The following CBFA2T2 variants were observed in gnomAD, a reference collection of about 807,000 sequenced individuals.
CBFA2T2 encodes the protein CBFA2/RUNX1 partner transcriptional co-repressor 2, also known as protein CBFA2T2.
Under a neutral mutation model 62.2 loss-of-function variants are expected in CBFA2T2, and 11 were observed. The ratio of observed to expected loss-of-function variants is 0.18; its 90% confidence interval spans 0.11 to 0.29. The LOEUF is 0.29. Among genes scored for constraint, CBFA2T2 ranks in the 10% least tolerant of loss-of-function variants. The pLI is 1.00. For synonymous variants in CBFA2T2, 295 were observed against 287.5 expected (o/e 1.03, Z -0.27); for missense variants, 592 against 774.1 (o/e 0.76, Z 2.79).
Position 33,645,841 on chromosome 20 carries a change from A to T in CBFA2T2, c.*1195A>T, listed in dbSNP as rs1369728175. The T allele has an allele frequency of 6.6e-6, 1 of 152,140 alleles. No individual in the cohort carries two copies. The highest frequency in any genetic ancestry group is 1.5e-5 in the Non-Finnish European group (1 of 68,044). The allele number at this position is 152,140 out of a possible 1,614,324, so 9.4% of individuals were successfully genotyped here. On this transcript the variant is annotated 3_prime_UTR_variant, in exon 11 of 11. Transcript: ENST00000342704. ...TGTTATCTGATAGCGTCCCTCCTTG[A>T]GCTCATCAGAAAGGTTTTATGAAAT... is the stretch of plus-strand genomic sequence containing the variant.
intron 1 of CBFA2T2, among the ~76,000 whole-genome samples, chr20:33,495,114 A>G (rs777996199): frequency 3.3e-5 from 5 of 151,790 alleles, no homozygotes; most frequent in Admixed American, 2.6e-4. Context: ...GTAAAATGTA[A>G]TGGCTGGGTA....
chr20:33,640,049 A>G (rs1315456226), intron 9 of CBFA2T2, among the ~76,000 whole-genome samples: 1 of 152,186 alleles, frequency 6.6e-6, no homozygotes, highest in Admixed American at 6.5e-5. Flanking sequence ...GTCTCTTACG[A>G]TGACATACAC....
At chr20:33,511,426 G>T (rs1292984349) in intron 1 of CBFA2T2, among the ~76,000 whole-genome samples, 10 of 152,146 alleles carry the variant, frequency 6.6e-5, no homozygotes, top group Non-Finnish European at 1.3e-4. Flanking sequence ...TGTCGGGTTT[G>T]TCAAAGATCA....
chr20:33,637,753 C>T (rs563261912), intron 9 of CBFA2T2, among the ~76,000 whole-genome samples: 2 of 151,334 alleles, frequency 1.3e-5, no homozygotes, highest in East Asian at 1.9e-4. Context: ...CTGCAACTTC[C>T]GCCTCCCCGG....
intron 1 of CBFA2T2, among the ~76,000 whole-genome samples, chr20:33,590,263 A>G (rs900291740): frequency 2.6e-5 from 4 of 152,042 alleles, no homozygotes; most frequent in African/African-American, 9.7e-5. Flanking sequence ...AAAAAAAAAA[A>G]ATCTGCAATC....
chr20:33,536,308 C>A (rs1305969123), intron 1 of CBFA2T2, among the ~76,000 whole-genome samples: 2 of 143,608 alleles, frequency 1.4e-5, no homozygotes, highest in Non-Finnish European at 3.1e-5. Context: ...GCTGACCCCC[C>A]CCACCTCCCT....
At position 33,640,430 on chromosome 20, in the gene CBFA2T2, G is replaced by A. The variant is rs1210370727; in HGVS notation, c.1387G>A (p.Ala463Thr). 6.2e-7 allele frequency: 1 copy of A among 1,614,272 alleles called. No individual in the cohort carries two copies. The highest frequency in any genetic ancestry group is 1.1e-5 in the South Asian group (1 of 91,090). The part of the protein sequence containing the change: ...EAEQKAFEVI[A>T]TERARMEQTI... ...AGAGCAGAAAGCCTTTGAAGTGATT[G>A]CAACAGAGAGAGCACGAATGGAGCA... is the stretch of plus-strand genomic sequence containing the variant. The change falls in exon 10 of 11, where the codon GCA (alanine) becomes ACA (threonine). Residue 463 changes from alanine to threonine, a missense_variant. Coordinates refer to ENST00000342704, the MANE Select transcript of CBFA2T2 (RefSeq NM_001032999.3).
intron 1 of CBFA2T2, among the ~76,000 whole-genome samples, chr20:33,507,443 C>T (rs929256573): frequency 1.3e-5 from 2 of 152,098 alleles, no homozygotes; most frequent in African/African-American, 4.8e-5. Context: ...CTGTTTTGAG[C>T]CAATCTGTTT....
rs1183371343 is a variant in CBFA2T2 at position 33,600,182 on chromosome 20, GTTTTTTTTTTTT to G, written c.35-6756_35-6745del. ...AAGTTAGAATTATCACTTTTGGAAA[GTTTTTTTTTTTT>G]TTTTTTTTTTTTTTTTTGTGATGGA... On this transcript the variant is annotated intron_variant, in intron 1 of 10. Coordinates refer to ENST00000342704, the MANE Select transcript of CBFA2T2 (RefSeq NM_001032999.3). Among the ~76,000 whole-genome samples, 20 of 62,046 alleles carry G rather than the reference GTTTTTTTTTTTT, an allele frequency of 3.2e-4. 1 individual carries two copies. The highest frequency in any genetic ancestry group is 1.3e-3 in the East Asian group (2 of 1,596). 40.7% of individuals were successfully genotyped at this position (62,046 alleles called of 152,430 possible).
intron 1 of CBFA2T2, among the ~76,000 whole-genome samples, chr20:33,545,010 TAGAAC>T (rs199760817): frequency 3.5e-5 from 4 of 114,018 alleles, no homozygotes; most frequent in Admixed American, 8.6e-5. Flanking sequence ...TAGAATAGAA[TAGAAC>T]AGAACAGAAT....
At chr20:33,547,469 T>A (rs1043913998) in intron 1 of CBFA2T2, among the ~76,000 whole-genome samples, 1 of 152,042 alleles carries the variant, frequency 6.6e-6, no homozygotes, top group African/African-American at 2.4e-5. Flanking sequence ...TTGGGAGGCT[T>A]AGGCAGGTGG....
Position 33,521,909 on chromosome 20 carries a change from T to C in CBFA2T2, c.34+31608T>C, listed in dbSNP as rs6579114. On this transcript the variant is annotated intron_variant, in intron 1 of 10. Coordinates refer to ENST00000342704, the MANE Select transcript of CBFA2T2 (RefSeq NM_001032999.3). ...TTTTGTTTGTTTGTTTAGGTTTTAT[T>C]TTTGTTTTTAGTTACTTGAAGATAT... Among the ~76,000 whole-genome samples, 499 of 152,190 alleles carry C rather than the reference T, an allele frequency of 3.3e-3. 6 individuals are homozygous for C. Among genetic ancestry groups the C allele is most frequent in the African/African-American group, 0.012 (488 of 41,530 alleles).
intron 1 of CBFA2T2, among the ~76,000 whole-genome samples, chr20:33,496,909 C>A (rs1330506353): frequency 6.6e-6 from 1 of 152,110 alleles, no homozygotes; most frequent in Non-Finnish European, 1.5e-5. Flanking sequence ...AATTTATTTT[C>A]CTACTCCCGT....
chr20:33,634,670 CAAAAAA>C (rs758089440), intron 8 of CBFA2T2, among the ~76,000 whole-genome samples: 5,797 of 47,710 alleles, frequency 0.12, 295 homozygotes, highest in Admixed American at 0.28. Context: ...ACCCTATGTC[CAAAAAA>C]AAAAAAAAAA....
chr20:33,535,454 A>T (rs1408353414), intron 1 of CBFA2T2, among the ~76,000 whole-genome samples: 1 of 149,904 alleles, frequency 6.7e-6, no homozygotes, highest in Non-Finnish European at 1.5e-5. Context: ...TTCCTTATTT[A>T]TCTTACAAGC....
Position 33,628,518 on chromosome 20 carries a change from G to C in CBFA2T2, c.1032+83G>C, listed in dbSNP as rs370386249. The C allele has an allele frequency of 1.3e-4, 116 of 921,034 alleles. 2 individuals are homozygous for C. The South Asian group carries it at 1.5e-3, about 12-fold the overall frequency. 57.1% of individuals were successfully genotyped at this position (921,034 alleles called of 1,614,324 possible). ...GAGTCTCGCTCTGTCACCCAGGATG[G>C]AGTGCAGTGGTATGATCTCAGTTCA... is the stretch of plus-strand genomic sequence containing the variant. On this transcript the variant is annotated intron_variant, in intron 7 of 10. Transcript: ENST00000342704.
At chr20:33,624,522 T>C (rs2016139569) in intron 5 of CBFA2T2, among the ~76,000 whole-genome samples, 1 of 152,182 alleles carries the variant, frequency 6.6e-6, no homozygotes, top group African/African-American at 2.4e-5. Flanking sequence ...TAAGGGTTAA[T>C]GTTTCTGTCT....
chr20:33,596,207 G>A (rs1415072094), intron 1 of CBFA2T2, among the ~76,000 whole-genome samples: 3 of 152,052 alleles, frequency 2.0e-5, no homozygotes, highest in African/African-American at 7.2e-5. Flanking sequence ...ACTCTTTCCT[G>A]GCTTAAGGTG....
intron 3 of CBFA2T2, among the ~76,000 whole-genome samples, chr20:33,611,984 A>G (rs541247495): frequency 1.3e-5 from 2 of 152,314 alleles, no homozygotes; most frequent in Admixed American, 1.3e-4. Flanking sequence ...TTCAGTGCTT[A>G]GTGCATTGTT....
Sources: gnomAD v4.1 joint callset for allele counts (sites outside exome capture counted in the v4.1 genomes callset) on GRCh38, gnomAD v4.1.1 for gene constraint, MANE v1.5 for transcripts, NCBI Gene and HGNC (gene_info 2026-07-23, HGNC 2026-07-21) for gene names.